Variants in RAI14 observed in about 807,000 individuals in gnomAD.
The protein encoded by RAI14 is ankycorbin.
In RAI14, 45 loss-of-function variants were observed where a neutral mutation model predicts 115.4. The observed-to-expected ratio is 0.39, with a 90% confidence interval of 0.31 to 0.50. RAI14 has a LOEUF of 0.50. RAI14 is among the 20% of genes least tolerant of loss of function. The probability of loss-of-function intolerance (pLI) is 0.85; values close to 1 mark genes in which losing one functional copy is unlikely to be tolerated. For missense variants in RAI14, 939 were observed against 1,131.2 expected, an observed-to-expected ratio of 0.83 and a Z score of 2.44; for synonymous variants, 371 against 415.4, an observed-to-expected ratio of 0.89 and a Z score of 1.30.
At chr5:34,782,306 G>A (rs1324869494) in intron 3 of RAI14, among the ~76,000 whole-genome samples, 5 of 152,112 alleles carry the variant, frequency 3.3e-5, no homozygotes, top group Admixed American at 3.3e-4. Context: ...AGTGATAAAA[G>A]CAAAGGCAGC....
chr5:34,832,428 T>C lies in RAI14; in HGVS notation c.*1663T>C, dbSNP rs893192827. On this transcript the variant is annotated 3_prime_UTR_variant, in exon 18 of 18. Transcript: ENST00000265109. ...GCCCCCGCACAGAAATGCTGCAGAG[T>C]ATATAAAACTTGAGACATTTTTGTA... 5 of 152,600 alleles carry C rather than the reference T, an allele frequency of 3.3e-5. No individual in the cohort carries two copies. The highest frequency in any genetic ancestry group is 7.2e-5 in the African/African-American group (3 of 41,424). 9.5% of individuals were successfully genotyped at this position (152,600 alleles called of 1,614,324 possible). A position where few individuals can be genotyped will look rare whatever the true frequency, so the allele number is the denominator to read the frequency against.
intron 2 of RAI14, among the ~76,000 whole-genome samples, chr5:34,722,107 GA>G (rs5867245): frequency 0.18 from 27,081 of 149,910 alleles, 2,625 homozygotes; most frequent in Non-Finnish European, 0.22. Flanking sequence ...TCTATATGTA[GA>G]TCTTTTCAGA....
At chr5:34,811,172 G>A in intron 8 of RAI14, 54 bp downstream of exon 8, 2 of 1,567,498 alleles carry the variant, frequency 1.3e-6, no homozygotes, top group South Asian at 1.1e-5. Context: ...CACATTCTGA[G>A]AGTATTTCAA....
At chr5:34,688,231 T>A (rs1579911712) in intron 2 of RAI14, 1 of 1,551,356 alleles carries the variant, frequency 6.4e-7, no homozygotes, top group Non-Finnish European at 8.7e-7. Context: ...CCCGTGGCTT[T>A]CAGCTAAGGA....
intron 1 of RAI14, among the ~76,000 whole-genome samples, chr5:34,666,743 A>C (rs531814234): frequency 6.6e-6 from 1 of 152,288 alleles, no homozygotes; most frequent in East Asian, 1.9e-4. Context: ...GGGTCATTGT[A>C]ATTGACTTGA....
chr5:34,788,240 G>T (rs1752548499), intron 3 of RAI14, among the ~76,000 whole-genome samples: 1 of 151,950 alleles, frequency 6.6e-6, no homozygotes. Flanking sequence ...TTTTGGTTTG[G>T]ATAGATAATT....
intron 2 of RAI14, among the ~76,000 whole-genome samples, chr5:34,754,162 G>A (rs768638246): frequency 1.2e-4 from 18 of 152,056 alleles, no homozygotes; most frequent in Non-Finnish European, 5.9e-5. Flanking sequence ...AAATATCTCC[G>A]TGGGCAAGTT....
At chr5:34,753,447 C>T (rs942257278) in intron 2 of RAI14, among the ~76,000 whole-genome samples, 1 of 152,028 alleles carries the variant, frequency 6.6e-6, no homozygotes, top group African/African-American at 2.4e-5. Context: ...TCTGTTTTGT[C>T]TCATGTTGTG....
At chr5:34,704,144 C>T (rs1469102) in intron 2 of RAI14, among the ~76,000 whole-genome samples, 378 of 152,328 alleles carry the variant, frequency 2.5e-3, no homozygotes, top group African/African-American at 8.4e-3. Flanking sequence ...CCGGCTCAGT[C>T]GTTGCCAGCC....
chr5:34,815,326 A>AG (rs1204617727), intron 12 of RAI14, among the ~76,000 whole-genome samples: 36 of 152,082 alleles, frequency 2.4e-4, no homozygotes, highest in Admixed American at 5.2e-4. Flanking sequence ...GATTGCAGTG[A>AG]GCCGAGATCG....
intron 2 of RAI14, among the ~76,000 whole-genome samples, chr5:34,740,265 G>A (rs1203311927): frequency 6.6e-6 from 1 of 152,162 alleles, no homozygotes; most frequent in Non-Finnish European, 1.5e-5. Flanking sequence ...TTCAGTGTGT[G>A]GGGTCAAACT....
At chr5:34,688,750 T>C (rs1218429559) in intron 2 of RAI14, among the ~76,000 whole-genome samples, 1 of 152,094 alleles carries the variant, frequency 6.6e-6, no homozygotes, top group Non-Finnish European at 1.5e-5. Context: ...ACCGTACAGC[T>C]AAATGGAGGG....
At chr5:34,682,056 T>C (rs1744427559) in intron 1 of RAI14, among the ~76,000 whole-genome samples, 1 of 152,040 alleles carries the variant, frequency 6.6e-6, no homozygotes, top group East Asian at 1.9e-4. Context: ...GGTTTCACCA[T>C]GTTGGTCAGG....
At chr5:34,816,569 T>C (rs1474522948) in intron 12 of RAI14, among the ~76,000 whole-genome samples, 1 of 152,172 alleles carries the variant, frequency 6.6e-6, no homozygotes, top group East Asian at 1.9e-4. Context: ...TACTGAGAAA[T>C]TGTACTCAAG....
chr5:34,802,507 C>G (rs544138266), intron 4 of RAI14, among the ~76,000 whole-genome samples: 19 of 152,220 alleles, frequency 1.2e-4, no homozygotes, highest in African/African-American at 4.6e-4. Context: ...TGCTCTGACC[C>G]TCTCCCCAGG....
chr5:34,755,345 GAC>G (rs1747748845), intron 2 of RAI14, among the ~76,000 whole-genome samples: 2 of 152,202 alleles, frequency 1.3e-5, no homozygotes, highest in South Asian at 4.1e-4. Flanking sequence ...TGTTGGTCCA[GAC>G]ACATTCTTAC....
intron 11 of RAI14, among the ~76,000 whole-genome samples, chr5:34,813,863 T>TA (rs889803280): frequency 1.6e-4 from 24 of 152,190 alleles, no homozygotes; most frequent in African/African-American, 5.5e-4. Context: ...TATCTATTTT[T>TA]AAAAAAACAG....
chr5:34,662,745 T>TTTTTTA (rs869272839), intron 1 of RAI14, among the ~76,000 whole-genome samples: 29 of 144,110 alleles, frequency 2.0e-4, no homozygotes, highest in Non-Finnish European at 3.6e-4. Context: ...TTTTTTTTTT[T>TTTTTTA]AGACACAGAG....
chr5:34,777,183 A>C (rs1225588681), intron 3 of RAI14, among the ~76,000 whole-genome samples: 2 of 152,086 alleles, frequency 1.3e-5, no homozygotes, highest in Non-Finnish European at 1.5e-5. Flanking sequence ...AACAACAACA[A>C]CAAGAAGGAA....
Sources: allele counts gnomAD v4.1 joint callset (sites outside exome capture counted in the v4.1 genomes callset), GRCh38; gene constraint gnomAD v4.1.1; transcripts MANE v1.5; gene names NCBI Gene and HGNC (gene_info 2026-07-23, HGNC 2026-07-21).